TMPRSS11F: variants seen among roughly 807,000 people sequenced by gnomAD.
The protein encoded by TMPRSS11F is transmembrane protease serine 11F.
TMPRSS11F carries 47 observed loss-of-function variants against 60.2 expected under a neutral mutation model. That is an observed-to-expected ratio of 0.78 (90% confidence interval 0.62 to 1.00). The LOEUF is 1.00. Ranked by LOEUF, TMPRSS11F falls within the 50% of genes least tolerant of loss-of-function variation. The pLI is 0.00. For missense variants in TMPRSS11F, 519 were observed against 522.9 expected, an observed-to-expected ratio of 0.99 and a Z score of 0.07; for synonymous variants, 166 against 167.3, an observed-to-expected ratio of 0.99 and a Z score of 0.06.
At chr4:68,071,759 T>C (rs957352195) in intron 5 of TMPRSS11F, among the ~76,000 whole-genome samples, 2 of 152,156 alleles carry the variant, frequency 1.3e-5, no homozygotes, top group Non-Finnish European at 2.9e-5. Context: ...TTTCAATTCA[T>C]GAGCAATAAA....
intron 9 of TMPRSS11F, among the ~76,000 whole-genome samples, chr4:68,054,513 T>G (rs1028073511): frequency 2.0e-5 from 3 of 152,138 alleles, no homozygotes; most frequent in Admixed American, 6.6e-5. Flanking sequence ...TTAGTTTTCT[T>G]GCTAAATTTT....
intron 1 of TMPRSS11F, among the ~76,000 whole-genome samples, chr4:68,115,200 A>G (rs757457437): frequency 2.6e-5 from 4 of 151,000 alleles, no homozygotes; most frequent in Non-Finnish European, 5.9e-5. Context: ...AATACAAAAA[A>G]AGAAAAATTA....
chr4:68,099,972 A>C (rs1013464637), intron 1 of TMPRSS11F, among the ~76,000 whole-genome samples: 1 of 151,990 alleles, frequency 6.6e-6, no homozygotes, highest in African/African-American at 2.4e-5. Context: ...AACTTTTTGA[A>C]GGGTTTTGTC....
intron 9 of TMPRSS11F, among the ~76,000 whole-genome samples, chr4:68,059,066 T>C (rs750477628): frequency 6.6e-6 from 1 of 152,174 alleles, no homozygotes; most frequent in Non-Finnish European, 1.5e-5. Context: ...ACTGGGAGGC[T>C]GGGGGATGAA....
intron 3 of TMPRSS11F, chr4:68,080,508 C>A (rs1280888117): frequency 6.6e-6 from 1 of 152,220 alleles, no homozygotes; most frequent in African/African-American, 2.4e-5. Flanking sequence ...GACCTGAGCA[C>A]CTTGTTTAGT....
At chr4:68,091,315 G>A (rs80017251) in intron 2 of TMPRSS11F, among the ~76,000 whole-genome samples, 14 of 152,074 alleles carry the variant, frequency 9.2e-5, no homozygotes, top group South Asian at 6.2e-4. Flanking sequence ...CTGGCCATAC[G>A]TCGCAGTCAC....
intron 1 of TMPRSS11F, among the ~76,000 whole-genome samples, chr4:68,127,708 C>A (rs924774799): frequency 2.0e-5 from 3 of 152,056 alleles, no homozygotes; most frequent in Non-Finnish European, 4.4e-5. Context: ...GGTACACATA[C>A]TTGTATGTGT....
At chr4:68,069,490 G>A (rs1723405510) in intron 6 of TMPRSS11F, among the ~76,000 whole-genome samples, 1 of 152,058 alleles carries the variant, frequency 6.6e-6, no homozygotes, top group Admixed American at 6.6e-5. Flanking sequence ...AACTTAAAGT[G>A]TTACAACATT....
At chr4:68,091,497 C>T (rs948967638) in intron 2 of TMPRSS11F, among the ~76,000 whole-genome samples, 1 of 152,080 alleles carries the variant, frequency 6.6e-6, no homozygotes, top group Non-Finnish European at 1.5e-5. Context: ...TCATGAGTTT[C>T]AATTCTACAT....
chr4:68,065,467 A>G (rs928953183), intron 7 of TMPRSS11F, among the ~76,000 whole-genome samples: 17 of 152,134 alleles, frequency 1.1e-4, no homozygotes, highest in Non-Finnish European at 1.5e-5. Flanking sequence ...ATCCTAACTC[A>G]AAGTCAGCTC....
At chr4:68,066,720 G>A (rs1446624947) in intron 7 of TMPRSS11F, among the ~76,000 whole-genome samples, 1 of 152,152 alleles carries the variant, frequency 6.6e-6, no homozygotes, top group Non-Finnish European at 1.5e-5. Flanking sequence ...CGGATCATGA[G>A]GTCGGGAGAT....
intron 1 of TMPRSS11F, among the ~76,000 whole-genome samples, chr4:68,128,391 A>G (rs1724755042): frequency 6.6e-6 from 1 of 152,136 alleles, no homozygotes; most frequent in African/African-American, 2.4e-5. Context: ...AGTGCTATGT[A>G]CCCCATAAAT....
At chr4:68,114,437 C>T (rs143725632) in intron 1 of TMPRSS11F, among the ~76,000 whole-genome samples, 321 of 152,090 alleles carry the variant, frequency 2.1e-3, no homozygotes, top group African/African-American at 7.0e-3. Context: ...CTATGAATAA[C>T]ATTATGCCAA....
At chr4:68,074,402 TA>T (rs1478716328) in intron 3 of TMPRSS11F, among the ~76,000 whole-genome samples, 4 of 152,244 alleles carry the variant, frequency 2.6e-5, no homozygotes, top group Non-Finnish European at 5.9e-5. Flanking sequence ...TACTGTCAAG[TA>T]AATTAAAAGT....
chr4:68,115,165 C>T (rs370039686), intron 1 of TMPRSS11F, among the ~76,000 whole-genome samples: 19 of 151,022 alleles, frequency 1.3e-4, no homozygotes, highest in East Asian at 7.8e-4. Context: ...CTGGCTAATA[C>T]GGTGAAACCT....
chr4:68,111,969 A>G (rs1577934008), intron 1 of TMPRSS11F, among the ~76,000 whole-genome samples: 1 of 152,166 alleles, frequency 6.6e-6, no homozygotes, highest in Non-Finnish European at 1.5e-5. Flanking sequence ...TTATGTACTT[A>G]CTTAATTATC....
chr4:68,115,284 G>C (rs1326799684), intron 1 of TMPRSS11F, among the ~76,000 whole-genome samples: 2 of 148,222 alleles, frequency 1.3e-5, no homozygotes, highest in African/African-American at 5.0e-5. Flanking sequence ...GTGAACCCAG[G>C]AGGCGGAGCT....
intron 3 of TMPRSS11F, among the ~76,000 whole-genome samples, chr4:68,087,498 A>T (rs1468137816): frequency 6.6e-6 from 1 of 152,150 alleles, no homozygotes; most frequent in African/African-American, 2.4e-5. Flanking sequence ...ATAGTACTAG[A>T]AGTCCTACAC....
intron 3 of TMPRSS11F, among the ~76,000 whole-genome samples, chr4:68,088,018 T>A (rs1723850883): frequency 6.6e-6 from 1 of 151,804 alleles, no homozygotes; most frequent in South Asian, 2.1e-4. Flanking sequence ...TGATTTCCAA[T>A]TTCATCCATG....
Sources: allele counts gnomAD v4.1 joint callset (sites outside exome capture counted in the v4.1 genomes callset), GRCh38; gene constraint gnomAD v4.1.1; transcripts MANE v1.5; gene names NCBI Gene and HGNC (gene_info 2026-07-23, HGNC 2026-07-21).